Variants in CCDC51 observed in about 807,000 individuals in gnomAD.
CCDC51 encodes coiled-coil domain containing 51, also known as mitochondrial potassium channel.
Under a neutral mutation model 24.8 loss-of-function variants are expected in CCDC51, and 25 were observed. That is an observed-to-expected ratio of 1.01 (90% CI 0.73 to 1.41). The LOEUF (loss-of-function observed/expected upper bound fraction) is 1.41, where lower values mean the gene tolerates loss of function less well. Ranked by LOEUF, CCDC51 falls within the 40% of genes most tolerant of loss-of-function variation. The pLI is 0.00. For missense variants in CCDC51, 466 were observed against 519.1 expected, an observed-to-expected ratio of 0.90 and a Z score of 0.99; for synonymous variants, 190 against 204.3, an observed-to-expected ratio of 0.93 and a Z score of 0.60.
At position 48,432,197 on chromosome 3, in the gene CCDC51, T is replaced by C. The variant is rs765984366; in HGVS notation, c.*211A>G. ...GTTTTAAATAATAAAACTCAGGATATTTTAATTGGACATTAGCACAAAGTT... is the reference window on the plus strand; with the variant it reads ...GTTTTAAATAATAAAACTCAGGATACTTTAATTGGACATTAGCACAAAGTT... On this transcript the variant is annotated 3_prime_UTR_variant, in exon 4 of 4. Coordinates refer to ENST00000395694, the MANE Select transcript of CCDC51 (RefSeq NM_001256964.2). The C allele has an allele frequency of 2.3e-5, 13 of 569,022 alleles. No individual in the cohort carries two copies. Among genetic ancestry groups the C allele is most frequent in the Non-Finnish European group, 4.0e-5 (13 of 324,736 alleles). 35.2% of individuals were successfully genotyped at this position (569,022 alleles called of 1,614,324 possible).
At chr3:48,434,404 C>G (rs1468197464) in intron 2 of CCDC51, among the ~76,000 whole-genome samples, 1 of 152,202 alleles carries the variant, frequency 6.6e-6, no homozygotes, top group Non-Finnish European at 1.5e-5. Context: ...GCATTTCTGC[C>G]ACCACAAAGG....
chr3:48,440,196 A>T (rs377345697), upstream of CCDC51: 82 of 1,509,918 alleles, frequency 5.4e-5, 1 homozygote, highest in East Asian at 4.1e-4. Flanking sequence ...CAACTTCCTG[A>T]CTAGGAGCCA....
In CCDC51 at chr3:48,433,609, G is replaced by A; in HGVS notation, c.477+98C>T. 7.6e-7 allele frequency: 1 copy of A among 1,320,136 alleles called. No homozygotes were observed. Among genetic ancestry groups the A allele is most frequent in the Non-Finnish European group, 1.0e-6 (1 of 954,122 alleles). 81.8% of individuals were successfully genotyped at this position (1,320,136 alleles called of 1,614,324 possible). A position where few individuals can be genotyped will look rare whatever the true frequency, so the allele number is the denominator to read the frequency against. Reference sequence around the variant, plus strand: ...TGGCTCACCTCTGTACCAGGCCTCTGACTACAGACCAGTCAGGGTTCCCAC... The same window carrying A: ...TGGCTCACCTCTGTACCAGGCCTCTAACTACAGACCAGTCAGGGTTCCCAC... On this transcript the variant is annotated intron_variant, in intron 3 of 3. Coordinates refer to ENST00000395694, the MANE Select transcript of CCDC51 (RefSeq NM_001256964.2). This position sits in a 1 kb window ranked among gnomAD's most constrained non-coding sequence, Gnocchi z 4.4.
upstream of CCDC51, among the ~76,000 whole-genome samples, chr3:48,442,300 A>C (rs2039589907): frequency 6.6e-6 from 1 of 150,770 alleles, no homozygotes; most frequent in African/African-American, 2.4e-5. Flanking sequence ...ACCCTCTTTT[A>C]ATCTGTGATT....
At position 48,435,847 on chromosome 3, in the gene CCDC51, C is replaced by G. The variant is rs2039336430; in HGVS notation, c.-8-711G>C. Among the ~76,000 whole-genome samples the G allele has an allele frequency of 6.6e-6, 1 of 152,194 alleles. No individual in the cohort carries two copies. Among genetic ancestry groups the G allele is most frequent in the Non-Finnish European group, 1.5e-5 (1 of 68,024 alleles). ...GGTTCACGCCATACAACTCCGCCCC[C>G]AGACTTTCCAGGCTACCAACTCTCA... On this transcript the variant is annotated intron_variant, in intron 1 of 3. Coordinates refer to ENST00000395694, the MANE Select transcript of CCDC51 (RefSeq NM_001256964.2). The surrounding 1 kb of genome is among the most constrained non-coding windows in gnomAD (Gnocchi z 4.2).
chr3:48,445,751 ATATTCC>A, the CCDC51 span, among the ~76,000 whole-genome samples: 1 of 152,194 alleles, frequency 6.6e-6, no homozygotes, highest in Non-Finnish European at 1.5e-5. Flanking sequence ...GCTTTCACAA[ATATTCC>A]TAGGACACTC....
At position 48,432,832 on chromosome 3, in the gene CCDC51, C is replaced by A. The variant is rs765580440; in HGVS notation, c.812G>T (p.Gly271Val). The A allele has an allele frequency of 3.7e-6, 6 of 1,613,712 alleles. No individual in the cohort carries two copies. The Admixed American group carries it at 1.0e-4, about 27-fold the overall frequency. Residue 271 changes from glycine to valine, a missense_variant, in exon 4 of 4, where the codon GGC becomes GTC. Physicochemically the swap from Gly to Val is moderately radical, Grantham distance 109 (BLOSUM62 -3). Coordinates refer to ENST00000395694, the MANE Select transcript of CCDC51 (RefSeq NM_001256964.2). ...CCCTGGCCCAGCAGCATGTACCAGG[C>A]CCCTCAGGTCCACCATGAGATTGTG... ...DLHNLMVDLRGLVHAAGPGQD... is the reference protein window; with the variant it reads ...DLHNLMVDLRVLVHAAGPGQD...
At chr3:48,445,703 G>A in the CCDC51 span, among the ~76,000 whole-genome samples, 1 of 152,210 alleles carries the variant, frequency 6.6e-6, no homozygotes, top group African/African-American at 2.4e-5. Context: ...TATAGGCCCT[G>A]ATAGCACTCT....
intron 1 of CCDC51, among the ~76,000 whole-genome samples, chr3:48,438,905 C>T (rs2039456575): frequency 6.6e-6 from 1 of 152,206 alleles, no homozygotes; most frequent in African/African-American, 2.4e-5. Context: ...TCTCTGACCT[C>T]ATCTCCCACT....
intron 1 of CCDC51, among the ~76,000 whole-genome samples, chr3:48,438,543 C>G (rs756574791): frequency 6.6e-6 from 1 of 152,112 alleles, no homozygotes; most frequent in Non-Finnish European, 1.5e-5. Flanking sequence ...CCTCGCATCA[C>G]CCCTGATTCC....
chr3:48,434,005 G>C, intron 2 of CCDC51, 134 bp from the exon 3 acceptor site: 2 of 1,454,738 alleles, frequency 1.4e-6, no homozygotes, highest in Non-Finnish European at 1.8e-6. Context: ...GAATTCCTTA[G>C]ACACTAATCC....
intron 1 of CCDC51, among the ~76,000 whole-genome samples, chr3:48,436,119 G>T (rs143446286): frequency 9.9e-4 from 150 of 152,250 alleles, no homozygotes; most frequent in African/African-American, 3.5e-3. Context: ...AAAAAGCTGA[G>T]CCAACAGCAC....
Position 48,432,791 on chromosome 3 carries a change from G to A in CCDC51, c.853C>T (p.Gln285Ter). Residue 285 changes from glutamine to a stop codon, truncating the protein, a stop_gained, in exon 4 of 4, where the codon CAG becomes TAG. Coordinates refer to ENST00000395694, the MANE Select transcript of CCDC51 (RefSeq NM_001256964.2). LOFTEE classifies it low-confidence loss of function (END_TRUNC). ...AAGPGQDSGS[Q>*]AGSPPTRDRD... The stretch of plus-strand genomic sequence containing the variant: ...TCTCTGGTCGGGGGACTACCTGCCT[G>A]TGACCCAGAGTCCTGCCCTGGCCCA... 6.2e-7 allele frequency: 1 copy of A among 1,614,158 alleles called. No individual in the cohort carries two copies. Among genetic ancestry groups the A allele is most frequent in the Non-Finnish European group, 8.5e-7 (1 of 1,180,038 alleles).
chr3:48,443,153 A>G (rs1179616189), upstream of CCDC51, among the ~76,000 whole-genome samples: 1 of 151,104 alleles, frequency 6.6e-6, no homozygotes, highest in Admixed American at 6.6e-5. Context: ...TGCATGAAGA[A>G]TCACTTGAAC....
chr3:48,442,775 C>A (rs371521208), upstream of CCDC51, among the ~76,000 whole-genome samples: 1 of 152,118 alleles, frequency 6.6e-6, no homozygotes, highest in Non-Finnish European at 1.5e-5. Flanking sequence ...TCTTAAATCG[C>A]CTACTGCGTT....
chr3:48,440,742 A>C (rs564122941), upstream of CCDC51: 7 of 932,014 alleles, frequency 7.5e-6, no homozygotes, highest in East Asian at 1.8e-4. Flanking sequence ...TCGTTTTCCG[A>C]CGTCCGCTGC....
At chr3:48,446,578 G>T in the CCDC51 span, 6 of 320,794 alleles carry the variant, frequency 1.9e-5, no homozygotes, top group Admixed American at 2.0e-4. Context: ...CTCCGGTAAC[G>T]GGTCGCGCCG....
In CCDC51 at chr3:48,440,024, T is replaced by A; in HGVS notation, c.-45A>T. 1.9e-6 allele frequency: 1 copy of A among 525,630 alleles called. No individual in the cohort carries two copies. The highest frequency in any genetic ancestry group is 3.3e-6 in the Non-Finnish European group (1 of 302,868). The allele number at this position is 525,630 out of a possible 1,614,324, so 32.6% of individuals were successfully genotyped here. A position where few individuals can be genotyped will look rare whatever the true frequency, so the allele number is the denominator to read the frequency against. On this transcript the variant is annotated 5_prime_UTR_variant, in exon 1 of 4. Coordinates refer to ENST00000395694, the MANE Select transcript of CCDC51 (RefSeq NM_001256964.2). ...TTCCCGCGCACGGCCACAGGCCTGG[T>A]AGGCCGTCCGGTTAAGTACCCCTCC...
chr3:48,444,047 C>T (rs2039624282), upstream of CCDC51: 2 of 466,286 alleles, frequency 4.3e-6, no homozygotes, highest in Admixed American at 4.4e-5. Flanking sequence ...AAAAATCTTA[C>T]AGTGGCTCAT....
Sources: allele counts gnomAD v4.1 joint callset (sites outside exome capture counted in the v4.1 genomes callset), GRCh38; gene constraint gnomAD v4.1.1; non-coding constraint Gnocchi (gnomAD v3.1); transcripts MANE v1.5; gene names NCBI Gene and HGNC (gene_info 2026-07-23, HGNC 2026-07-21).